CHSY3: variants seen among roughly 807,000 people sequenced by gnomAD.
CHSY3 encodes chondroitin sulfate synthase 3.
Under a neutral mutation model 67.2 loss-of-function variants are expected in CHSY3, and 35 were observed. The ratio of observed to expected loss-of-function variants is 0.52; its 90% CI spans 0.40 to 0.69. The LOEUF (loss-of-function observed/expected upper bound fraction) is 0.69. Among genes scored for constraint, CHSY3 ranks in the 30% least tolerant of loss-of-function variants. The probability of loss-of-function intolerance (pLI) is 0.00; values close to 1 mark genes in which losing one functional copy is unlikely to be tolerated. For synonymous variants in CHSY3, 474 were observed against 434.7 expected (o/e 1.09, Z -1.12); for missense variants, 1,069 against 1,138.5 (o/e 0.94, Z 0.88).
At chr5:130,097,367 G>C (rs1261436554) in intron 2 of CHSY3, among the ~76,000 whole-genome samples, 1 of 152,220 alleles carries the variant, frequency 6.6e-6, no homozygotes, top group African/African-American at 2.4e-5. Flanking sequence ...GCCTCCCTCT[G>C]TGAGCAGCCT....
intron 2 of CHSY3, among the ~76,000 whole-genome samples, chr5:129,959,667 T>G (rs1050374216): frequency 6.6e-6 from 1 of 152,132 alleles, no homozygotes; most frequent in Non-Finnish European, 1.5e-5. Flanking sequence ...ATAAGTGGTT[T>G]CCATAGATAG....
chr5:129,957,105 T>C lies in CHSY3; in HGVS notation c.1086+48745T>C, dbSNP rs78466522. Among the ~76,000 whole-genome samples the C allele has an allele frequency of 1.6e-3, 249 of 152,304 alleles. 5 individuals are homozygous for C. In the East Asian group the frequency reaches 0.033, roughly 20 times the overall value. ...ATTCATCCTATCAATGAGCATGGAA[T>C]GTTTTTCCATTTGTTCGTGCCATCT... On this transcript the variant is annotated intron_variant, in intron 2 of 2. Coordinates refer to ENST00000305031, the MANE Select transcript of CHSY3 (RefSeq NM_175856.5).
At chr5:130,008,901 C>T (rs1763964840) in intron 2 of CHSY3, among the ~76,000 whole-genome samples, 1 of 151,786 alleles carries the variant, frequency 6.6e-6, no homozygotes, top group African/African-American at 2.4e-5. Flanking sequence ...TCAACTCAGT[C>T]AGACAAAAAT....
At chr5:130,017,776 T>A (rs1378712617) in intron 2 of CHSY3, among the ~76,000 whole-genome samples, 1 of 152,094 alleles carries the variant, frequency 6.6e-6, no homozygotes, top group Non-Finnish European at 1.5e-5. Context: ...AAAATATAGC[T>A]TTTAAAAACA....
rs549963552 is a variant in CHSY3 at position 129,956,829 on chromosome 5, G to GT, written c.1086+48474dup. Among the ~76,000 whole-genome samples, 311 of 151,960 alleles carry GT rather than the reference G, an allele frequency of 2.0e-3. 3 individuals are homozygous for GT. Among genetic ancestry groups the GT allele is most frequent in the Middle Eastern group, 6.8e-3 (2 of 294 alleles). On this transcript the variant is annotated intron_variant, in intron 2 of 2. Transcript: ENST00000305031. ...TTCTGTTTCATTGGTCTATGTGTTTGTTTTTGTACCAGTACCATGCTGTTT... is the reference window on the plus strand; with the variant it reads ...TTCTGTTTCATTGGTCTATGTGTTTGTTTTTTGTACCAGTACCATGCTGTTT...
chr5:129,980,406 A>G lies in CHSY3; in HGVS notation c.1086+72046A>G, dbSNP rs549662900. Among the ~76,000 whole-genome samples, 11 of 152,322 alleles carry G rather than the reference A, an allele frequency of 7.2e-5. No individual in the cohort carries two copies. In the Middle Eastern group the frequency reaches 0.024, roughly 330 times the overall value. On this transcript the variant is annotated intron_variant, in intron 2 of 2. Coordinates refer to ENST00000305031, the MANE Select transcript of CHSY3 (RefSeq NM_175856.5). The stretch of plus-strand genomic sequence containing the variant: ...CATTTCAGATGCTTATTTGCTATCT[A>G]TCTATCTTCTTTGGTGAAGGGTCTG...
At chr5:130,093,579 A>G (rs2149694288) in intron 2 of CHSY3, among the ~76,000 whole-genome samples, 1 of 152,302 alleles carries the variant, frequency 6.6e-6, no homozygotes, top group South Asian at 2.1e-4. Context: ...CTTACTTATT[A>G]CAACAACCTT....
intron 2 of CHSY3, among the ~76,000 whole-genome samples, chr5:129,991,212 G>A (rs962592247): frequency 1.3e-5 from 2 of 152,088 alleles, no homozygotes; most frequent in African/African-American, 4.8e-5. Flanking sequence ...GCAAGGTGGG[G>A]AATTCATTGG....
intron 2 of CHSY3, among the ~76,000 whole-genome samples, chr5:130,101,751 T>A (rs1767253605): frequency 6.6e-6 from 1 of 152,128 alleles, no homozygotes. Flanking sequence ...TGTCATGATA[T>A]CATAAAAGGG....
chr5:130,057,634 T>C (rs905987318), intron 2 of CHSY3, among the ~76,000 whole-genome samples: 2 of 152,176 alleles, frequency 1.3e-5, no homozygotes, highest in Non-Finnish European at 2.9e-5. Context: ...AATTATATTG[T>C]TGGATGACAG....
Position 129,997,471 on chromosome 5 carries a change from T to C in CHSY3, c.1086+89111T>C, listed in dbSNP as rs149580219. ...AGACTAGAAATAATCAATAACTTAATTGATAGTAATTTAACAGTAAAATAT... is the reference window on the plus strand; with the variant it reads ...AGACTAGAAATAATCAATAACTTAACTGATAGTAATTTAACAGTAAAATAT... On this transcript the variant is annotated intron_variant, in intron 2 of 2. Coordinates refer to ENST00000305031, the MANE Select transcript of CHSY3 (RefSeq NM_175856.5). Among the ~76,000 whole-genome samples the C allele has an allele frequency of 4.2e-3, 632 of 152,106 alleles. 5 individuals are homozygous for C. The highest frequency in any genetic ancestry group is 0.014 in the African/African-American group (599 of 41,484).
chr5:129,915,191 A>C (rs1760693946), intron 2 of CHSY3, among the ~76,000 whole-genome samples: 1 of 152,184 alleles, frequency 6.6e-6, no homozygotes, highest in African/African-American at 2.4e-5. Flanking sequence ...CAGGCATTTC[A>C]GTTAAAAAAA....
chr5:130,018,747 G>T (rs953764418), intron 2 of CHSY3, among the ~76,000 whole-genome samples: 4 of 152,160 alleles, frequency 2.6e-5, no homozygotes, highest in Admixed American at 2.0e-4. Flanking sequence ...TCCCTAGTGT[G>T]GTGATGTTTG....
intron 2 of CHSY3, among the ~76,000 whole-genome samples, chr5:130,008,711 G>T (rs1037625924): frequency 5.9e-5 from 9 of 152,120 alleles, no homozygotes; most frequent in Non-Finnish European, 1.2e-4. Flanking sequence ...CCAATCCCAG[G>T]AATCTACTGA....
At chr5:130,182,283 T>C (rs539749225) in intron 2 of CHSY3, among the ~76,000 whole-genome samples, 85 of 152,272 alleles carry the variant, frequency 5.6e-4, no homozygotes, top group African/African-American at 1.9e-3. Context: ...TATTGAGTAT[T>C]TGCATACTCT....
intron 2 of CHSY3, among the ~76,000 whole-genome samples, chr5:130,102,301 A>T (rs569398286): frequency 2.0e-5 from 3 of 152,206 alleles, no homozygotes; most frequent in African/African-American, 7.2e-5. Context: ...TAATTTTGAA[A>T]GAGGATATCT....
At chr5:129,956,351 CT>C (rs1177472608) in intron 2 of CHSY3, among the ~76,000 whole-genome samples, 8 of 151,848 alleles carry the variant, frequency 5.3e-5, no homozygotes, top group Admixed American at 4.6e-4. Flanking sequence ...GTATGTAGGT[CT>C]TTTTTTGGAA....
intron 2 of CHSY3, among the ~76,000 whole-genome samples, chr5:130,155,637 G>A (rs1769358190): frequency 6.6e-6 from 1 of 152,064 alleles, no homozygotes; most frequent in Non-Finnish European, 1.5e-5. Flanking sequence ...CTCCTCGTGG[G>A]GTAAAAAGAC....
At chr5:130,036,365 A>G (rs1396781670) in intron 2 of CHSY3, among the ~76,000 whole-genome samples, 1 of 152,132 alleles carries the variant, frequency 6.6e-6, no homozygotes, top group African/African-American at 2.4e-5. Context: ...TAACTGTGCT[A>G]GCATATCGTA....
Sources: gnomAD v4.1 joint callset for allele counts (sites outside exome capture counted in the v4.1 genomes callset) on GRCh38, gnomAD v4.1.1 for gene constraint, MANE v1.5 for transcripts, NCBI Gene and HGNC (gene_info 2026-07-23, HGNC 2026-07-21) for gene names.